PCDH11X: variants seen among roughly 807,000 people sequenced by gnomAD.
The protein encoded by PCDH11X is protocadherin 11 X-linked.
PCDH11X carries 18 observed loss-of-function variants against 53.3 expected under a neutral mutation model. The ratio of observed to expected loss-of-function variants is 0.34; its 90% CI spans 0.23 to 0.50. The LOEUF (loss-of-function observed/expected upper bound fraction) is 0.50. Ranked by LOEUF, PCDH11X falls within the 20% of genes least tolerant of loss-of-function variation. The pLI is 0.98. For missense variants in PCDH11X, 570 were observed against 1,032.4 expected (o/e 0.55, Z 6.14); for synonymous variants, 279 against 393.3 (o/e 0.71, Z 3.44).
At chrX:91,782,133 C>G (rs1258507178) in intron 1 of PCDH11X, among the ~76,000 whole-genome samples, 5 of 112,161 alleles carry the variant, frequency 4.5e-5, no homozygotes, top group Non-Finnish European at 9.4e-5. Context: ...TGCGCGCAGC[C>G]GCCCTCGTGT....
At chrX:92,369,210 C>G (rs2070552262) in intron 8 of PCDH11X, among the ~76,000 whole-genome samples, 1 of 108,303 alleles carries the variant, frequency 9.2e-6, no homozygotes, top group South Asian at 3.9e-4. Flanking sequence ...CAGAGATGCC[C>G]TGCCCAGTGA....
At chrX:91,989,329 G>A (rs1169144067) in intron 6 of PCDH11X, among the ~76,000 whole-genome samples, 2 of 111,368 alleles carry the variant, frequency 1.8e-5, no homozygotes, top group African/African-American at 3.3e-5. Flanking sequence ...TTGGGAGGCC[G>A]AGGCGGGCAG....
At position 92,219,172 on chromosome X, in the gene PCDH11X, A is replaced by T. The variant is rs376553095; in HGVS notation, c.3114+17717A>T. Among the ~76,000 whole-genome samples the T allele has an allele frequency of 1.3e-3, 139 of 111,096 alleles. 4 individuals carry two copies. The East Asian group carries it at 0.03, about 24-fold the overall frequency. On this transcript the variant is annotated intron_variant, in intron 7 of 10. Coordinates refer to ENST00000682573, the MANE Select transcript of PCDH11X (RefSeq NM_032968.5). The stretch of plus-strand genomic sequence containing the variant: ...TGCCCTCTCTCACCACTCCTATTCA[A>T]CATAGTGTTGGAAGTTCTGGCTAGG...
intron 9 of PCDH11X, among the ~76,000 whole-genome samples, chrX:92,443,080 G>GT (rs1408003414): frequency 2.8e-5 from 3 of 105,583 alleles, no homozygotes; most frequent in African/African-American, 1.0e-4. Flanking sequence ...AGCATCTGTT[G>GT]TTTTTTGTCT....
intron 9 of PCDH11X, chrX:92,420,509 A>G (rs926028221): frequency 2.8e-6 from 1 of 355,043 alleles, no homozygotes; most frequent in African/African-American, 2.6e-5. Flanking sequence ...CCCTTCATCT[A>G]CGAATGCCTT....
At chrX:92,186,577 G>T in intron 6 of PCDH11X, among the ~76,000 whole-genome samples, 1 of 100,304 alleles carries the variant, frequency 1.0e-5, no homozygotes, top group Non-Finnish European at 2.0e-5. Flanking sequence ...GCGGTGAGCC[G>T]AGATTGCGCC....
chrX:92,190,521 G>A (rs2066176348), intron 6 of PCDH11X, among the ~76,000 whole-genome samples: 1 of 111,854 alleles, frequency 8.9e-6, no homozygotes, highest in Admixed American at 9.6e-5. Flanking sequence ...ACCCCAGGCA[G>A]TGCTTTAATA....
In PCDH11X at chrX:92,212,597, G is replaced by A. The variant is rs764171707; in HGVS notation, c.3114+11142G>A. Among the ~76,000 whole-genome samples, 22 of 111,585 alleles carry A rather than the reference G, an allele frequency of 2.0e-4. No homozygotes were observed. In the South Asian group the frequency reaches 5.9e-3, roughly 30 times the overall value. On this transcript the variant is annotated intron_variant, in intron 7 of 10. Coordinates refer to ENST00000682573, the MANE Select transcript of PCDH11X (RefSeq NM_032968.5). Reference sequence around the variant, plus strand: ...ACTGCCGACATTAGGTGATCCACCCGCCTCGGCCTCCCAAAGTGCTTGGAT... The same window carrying A: ...ACTGCCGACATTAGGTGATCCACCCACCTCGGCCTCCCAAAGTGCTTGGAT...
chrX:92,503,785 T>C (rs1399933274), intron 10 of PCDH11X, among the ~76,000 whole-genome samples: 3 of 111,141 alleles, frequency 2.7e-5, no homozygotes, highest in African/African-American at 6.6e-5. Context: ...ATCTGGGTGA[T>C]GGGATAATCT....
intron 7 of PCDH11X, among the ~76,000 whole-genome samples, chrX:92,229,241 C>T (rs1178324923): frequency 9.0e-6 from 1 of 110,878 alleles, no homozygotes; most frequent in Non-Finnish European, 1.9e-5. Context: ...GGGAAATTGT[C>T]AACAGCATGA....
rs58212809 is a variant in PCDH11X at position 92,208,508 on chromosome X, AATATATATATATATATAT to A, written c.3114+7065_3114+7082del. Among the ~76,000 whole-genome samples the A allele has an allele frequency of 1.0e-3, 32 of 30,677 alleles. 1 individual carries two copies. Among genetic ancestry groups the A allele is most frequent in the South Asian group, 6.2e-3 (3 of 484 alleles). The allele number at this position is 30,677 out of a possible 115,157, so 26.6% of individuals were successfully genotyped here. ...ACAACCGAAGGTGGTCCCTGAAACT[AATATATATATATATATAT>A]ATATATATATACAATTTTTTTTAAA... On this transcript the variant is annotated intron_variant, in intron 7 of 10. Transcript: ENST00000682573.
At chrX:92,111,500 A>AT (rs66697328) in intron 6 of PCDH11X, among the ~76,000 whole-genome samples, 16 of 107,205 alleles carry the variant, frequency 1.5e-4, no homozygotes, top group Admixed American at 4.1e-4. Flanking sequence ...TTAATATTTC[A>AT]TTTTTTTTTA....
intron 7 of PCDH11X, among the ~76,000 whole-genome samples, chrX:92,229,425 G>T (rs906190642): frequency 2.7e-5 from 3 of 111,045 alleles, no homozygotes; most frequent in Non-Finnish European, 5.7e-5. Flanking sequence ...TGACACAGAA[G>T]AGTTTAAATT....
chrX:91,975,940 GA>G (rs1277053227), intron 6 of PCDH11X, among the ~76,000 whole-genome samples: 16 of 108,398 alleles, frequency 1.5e-4, no homozygotes, highest in Admixed American at 5.9e-4. Flanking sequence ...CAGTCTTTAG[GA>G]AAAAAAAAAT....
At chrX:92,334,926 T>A (rs2069582209) in intron 8 of PCDH11X, among the ~76,000 whole-genome samples, 1 of 110,086 alleles carries the variant, frequency 9.1e-6, no homozygotes. Flanking sequence ...AACAGTAGGC[T>A]ATTAGTAGTT....
chrX:91,860,419 T>G (rs757789784), intron 5 of PCDH11X, among the ~76,000 whole-genome samples: 11 of 107,310 alleles, frequency 1.0e-4, no homozygotes, highest in Non-Finnish European at 2.1e-4. Flanking sequence ...CAAAGACAAT[T>G]TGACTTCCTC....
intron 6 of PCDH11X, among the ~76,000 whole-genome samples, chrX:91,985,259 C>A (rs759256693): frequency 8.9e-6 from 1 of 112,276 alleles, no homozygotes; most frequent in South Asian, 3.7e-4. Context: ...GTAATCCCAG[C>A]ACTTTGGGAG....
chrX:92,563,558 T>C (rs1188020935), intron 10 of PCDH11X, among the ~76,000 whole-genome samples: 1 of 111,463 alleles, frequency 9.0e-6, no homozygotes, highest in African/African-American at 3.3e-5. Context: ...ATATTTAAAG[T>C]ACTGAAGGAA....
rs755885259 is a variant in PCDH11X at position 92,334,933 on chromosome X, AGTTAC to A, written c.3145-52798_3145-52794del. Reference sequence around the variant, plus strand: ...TTTCAGTCAACAGTAGGCTATTAGTAGTTACGTTTTGGGGGAGTCAAAAGTTATAT... The same window carrying A: ...TTTCAGTCAACAGTAGGCTATTAGTAGTTTTGGGGGAGTCAAAAGTTATAT... On this transcript the variant is annotated intron_variant, in intron 8 of 10. Transcript: ENST00000682573. Among the ~76,000 whole-genome samples the A allele has an allele frequency of 1.2e-4, 13 of 110,149 alleles. No homozygotes were observed. In the East Asian group the frequency reaches 3.8e-3, roughly 32 times the overall value.
Sources: gnomAD v4.1 joint callset for allele counts (sites outside exome capture counted in the v4.1 genomes callset) on GRCh38, gnomAD v4.1.1 for gene constraint, MANE v1.5 for transcripts, NCBI Gene and HGNC (gene_info 2026-07-23, HGNC 2026-07-21) for gene names.